Variants in RSU1 observed in about 807,000 individuals in gnomAD.
RSU1 encodes the protein Ras suppressor protein 1, also known as rsu-1.
A neutral mutation model predicts 31.1 loss-of-function variants in RSU1; 26 were observed. The observed-to-expected ratio is 0.84, with a 90% CI of 0.61 to 1.16. RSU1 has a LOEUF of 1.16. Among genes scored for constraint, RSU1 ranks in the 50% most tolerant of loss-of-function variants. The pLI, the probability that RSU1 is intolerant of heterozygous loss-of-function variation, is 0.00. For missense variants in RSU1, 320 were observed against 339.1 expected, an observed-to-expected ratio of 0.94 and a Z score of 0.44; for synonymous variants, 164 against 136.3, an observed-to-expected ratio of 1.20 and a Z score of -1.41.
At chr10:16,675,725 AC>A (rs1444607092) in intron 8 of RSU1, among the ~76,000 whole-genome samples, 2 of 152,230 alleles carry the variant, frequency 1.3e-5, no homozygotes, top group African/African-American at 4.8e-5. Context: ...TAAATGGAGA[AC>A]ATCAACATGA....
chr10:16,675,532 C>A (rs966478575), intron 8 of RSU1, among the ~76,000 whole-genome samples: 1 of 152,062 alleles, frequency 6.6e-6, no homozygotes, highest in Non-Finnish European at 1.5e-5. Context: ...CACTTGGCAG[C>A]CAATTCCAGA....
rs1330408658 is a variant in RSU1 at position 16,762,046 on chromosome 10, G to A, written c.281+2344C>T. Among the ~76,000 whole-genome samples, 5 of 151,938 alleles carry A rather than the reference G, an allele frequency of 3.3e-5. No individual in the cohort carries two copies. The South Asian group carries it at 8.3e-4, about 25-fold the overall frequency. ...CTGTTCCCCCTGTTGGTCCACAACCGCCAGCATATCTGTGACCTCATTGGT... is the reference window on the plus strand; with the variant it reads ...CTGTTCCCCCTGTTGGTCCACAACCACCAGCATATCTGTGACCTCATTGGT... On this transcript the variant is annotated intron_variant, in intron 4 of 8. Transcript: ENST00000345264.
chr10:16,666,923 G>C (rs759843850), intron 8 of RSU1, among the ~76,000 whole-genome samples: 1 of 151,924 alleles, frequency 6.6e-6, no homozygotes, highest in Non-Finnish European at 1.5e-5. Context: ...CCAGCATTGC[G>C]GGGCGAAGGT....
At chr10:16,680,455 C>T (rs915967214) in intron 8 of RSU1, among the ~76,000 whole-genome samples, 4 of 152,114 alleles carry the variant, frequency 2.6e-5, no homozygotes, top group Non-Finnish European at 5.9e-5. Context: ...GCAATTTATA[C>T]AGAAAAGAAG....
rs376502427 is a variant in RSU1 at position 16,759,171 on chromosome 10, C to T, written c.282-4182G>A. On this transcript the variant is annotated intron_variant, in intron 4 of 8. Coordinates refer to ENST00000345264, the MANE Select transcript of RSU1 (RefSeq NM_012425.4). ...AAGGCACTAATTTTTCTCACCTCCACAGTGACCTACTCACACTTATCAAAA... is the reference window on the plus strand; with the variant it reads ...AAGGCACTAATTTTTCTCACCTCCATAGTGACCTACTCACACTTATCAAAA... Among the ~76,000 whole-genome samples the T allele has an allele frequency of 3.9e-5, 6 of 152,218 alleles. No homozygotes were observed. The East Asian group carries it at 7.7e-4, about 20-fold the overall frequency.
At chr10:16,638,952 T>G (rs1834393916) in intron 8 of RSU1, among the ~76,000 whole-genome samples, 1 of 152,238 alleles carries the variant, frequency 6.6e-6, no homozygotes, top group Admixed American at 6.5e-5. Context: ...AAACCCAGAC[T>G]TGGCATCAAC....
At position 16,759,454 on chromosome 10, in the gene RSU1, C is replaced by T. The variant is rs572542240; in HGVS notation, c.282-4465G>A. On this transcript the variant is annotated intron_variant, in intron 4 of 8. Coordinates refer to ENST00000345264, the MANE Select transcript of RSU1 (RefSeq NM_012425.4). ...CCCAGGAGGCATAGGTTGCAGTGAG[C>T]GGAGAGCATGCCACTGCACTCCAGC... 3.6e-4 allele frequency among the ~76,000 whole-genome samples: 55 copies of T among 152,242 alleles called. No homozygotes were observed. In the South Asian group the frequency reaches 6.2e-3, roughly 17 times the overall value.
Position 16,688,309 on chromosome 10 carries a change from T to C in RSU1, c.731+6714A>G, listed in dbSNP as rs1009683847. Reference sequence around the variant, plus strand: ...AAATGTGATAATGCATTTTCAACTTTAAAAAAGAAAATATAGGCCAGTAGT... The same window carrying C: ...AAATGTGATAATGCATTTTCAACTTCAAAAAAGAAAATATAGGCCAGTAGT... On this transcript the variant is annotated intron_variant, in intron 8 of 8. Transcript: ENST00000345264. 5.3e-5 allele frequency among the ~76,000 whole-genome samples: 8 copies of C among 152,240 alleles called. No individual in the cohort carries two copies. In the East Asian group the frequency reaches 1.5e-3, roughly 29 times the overall value.
chr10:16,629,631 G>C (rs1460161771), intron 8 of RSU1, among the ~76,000 whole-genome samples: 1 of 152,156 alleles, frequency 6.6e-6, no homozygotes, highest in Non-Finnish European at 1.5e-5. Context: ...AATGTAATTG[G>C]AAAAGAATCT....
At chr10:16,656,207 G>T (rs888958636) in intron 8 of RSU1, among the ~76,000 whole-genome samples, 6 of 152,068 alleles carry the variant, frequency 3.9e-5, no homozygotes, top group African/African-American at 1.2e-4. Context: ...ATTAATATTT[G>T]ACATGTATCC....
intron 3 of RSU1, among the ~76,000 whole-genome samples, chr10:16,773,068 T>G (rs1381266201): frequency 1.3e-5 from 2 of 151,964 alleles, no homozygotes; most frequent in Non-Finnish European, 2.9e-5. Flanking sequence ...TGCATGGTGG[T>G]GCATGCCTGC....
At chr10:16,697,032 T>C (rs1464579277) in intron 7 of RSU1, among the ~76,000 whole-genome samples, 6 of 152,280 alleles carry the variant, frequency 3.9e-5, no homozygotes, top group East Asian at 1.9e-4. Context: ...ATGAATATAA[T>C]ATACATTCCT....
intron 2 of RSU1, among the ~76,000 whole-genome samples, chr10:16,784,264 GTTTTA>G (rs1170278321): frequency 1.3e-5 from 2 of 151,544 alleles, no homozygotes; most frequent in African/African-American, 4.9e-5. Flanking sequence ...ATGTTTTTTT[GTTTTA>G]TTTTGTTTTG....
At chr10:16,649,289 T>A (rs1230662945) in intron 8 of RSU1, among the ~76,000 whole-genome samples, 1 of 152,190 alleles carries the variant, frequency 6.6e-6, no homozygotes, top group Non-Finnish European at 1.5e-5. Flanking sequence ...TCAGTCTCCT[T>A]CTCAGAGATA....
intron 4 of RSU1, among the ~76,000 whole-genome samples, chr10:16,760,243 C>CTCAT (rs1170774421): frequency 1.3e-5 from 2 of 152,218 alleles, no homozygotes; most frequent in Non-Finnish European, 2.9e-5. Flanking sequence ...GGCGCAGTGG[C>CTCAT]TCATGCCTGT....
chr10:16,724,284 A>G (rs545457301), intron 7 of RSU1, among the ~76,000 whole-genome samples: 6 of 152,354 alleles, frequency 3.9e-5, no homozygotes, highest in African/African-American at 1.4e-4. Context: ...ACATTTCTGT[A>G]TATTCTCCTT....
intron 8 of RSU1, among the ~76,000 whole-genome samples, chr10:16,674,417 T>TA (rs1304070559): frequency 1.4e-5 from 2 of 144,092 alleles, no homozygotes; most frequent in Non-Finnish European, 3.0e-5. Flanking sequence ...TTTTTTTTTT[T>TA]AAATCCTCTA....
Position 16,752,536 on chromosome 10 carries a change from T to C in RSU1, c.598+3A>G, listed in dbSNP as rs776214539. The C allele has an allele frequency of 3.1e-6, 5 of 1,606,700 alleles. No individual in the cohort carries two copies. The highest frequency in any genetic ancestry group is 4.3e-6 in the Non-Finnish European group (5 of 1,173,360). ...AACTAAGTTCATTCATCAGCAACCT[T>C]ACCTAGTTCTGGGGGCAGAACGGTG... On this transcript the variant is annotated splice_donor_region_variant and intron_variant, in intron 7 of 8. Transcript: ENST00000345264.
chr10:16,610,484 G>A (rs905090209), intron 8 of RSU1, among the ~76,000 whole-genome samples: 5 of 152,178 alleles, frequency 3.3e-5, no homozygotes, highest in Admixed American at 3.3e-4. Context: ...GGTGGTGAGT[G>A]GCAGGCGAGG....
Sources: allele counts gnomAD v4.1 joint callset (sites outside exome capture counted in the v4.1 genomes callset), GRCh38; gene constraint gnomAD v4.1.1; transcripts MANE v1.5; gene names NCBI Gene and HGNC (gene_info 2026-07-23, HGNC 2026-07-21).